The following VOPP1 variants were observed in gnomAD, a reference collection of about 807,000 sequenced individuals.
The protein encoded by VOPP1 is VOPP1 WW domain binding protein, also known as WW domain binding protein VOPP1.
Under a neutral mutation model 23.5 loss-of-function variants are expected in VOPP1, and 8 were observed. The observed-to-expected ratio is 0.34, with a 90% confidence interval of 0.20 to 0.61. The LOEUF is 0.61. VOPP1 is among the 20% of genes least tolerant of loss of function. VOPP1 has a pLI of 0.78. For missense variants in VOPP1, 174 were observed against 238.1 expected (o/e 0.73, Z 1.77); for synonymous variants, 83 against 97.3 (o/e 0.85, Z 0.86).
chr7:55,436,667 C>CGTGCGTGTGCGTGTGTGCAT (rs1562875159), intron 4 of VOPP1, among the ~76,000 whole-genome samples: 1 of 148,912 alleles, frequency 6.7e-6, no homozygotes, highest in African/African-American at 2.5e-5. Flanking sequence ...TGCGTGTGTG[C>CGTGCGTGTGCGTGTGTGCAT]GTGCGTGTGC....
Position 55,568,204 on chromosome 7 carries a change from C to T in VOPP1, c.54+4067G>A, listed in dbSNP as rs952959291. On this transcript the variant is annotated intron_variant, in intron 1 of 4. Coordinates refer to ENST00000285279, the MANE Select transcript of VOPP1 (RefSeq NM_030796.5). Reference sequence around the variant, plus strand: ...ACGCCATTCTCCAGGCTCAGCCTCCCGAGTAGCTGGGACTACAGGCGCCCG... The same window carrying T: ...ACGCCATTCTCCAGGCTCAGCCTCCTGAGTAGCTGGGACTACAGGCGCCCG... Among the ~76,000 whole-genome samples the T allele has an allele frequency of 5.3e-5, 8 of 151,902 alleles. No homozygotes were observed. The South Asian group carries it at 8.3e-4, about 16-fold the overall frequency.
intron 1 of VOPP1, among the ~76,000 whole-genome samples, chr7:55,527,474 G>C (rs1163785315): frequency 4.6e-5 from 7 of 152,196 alleles, no homozygotes; most frequent in Non-Finnish European, 7.3e-5. Context: ...CGGGGATGCA[G>C]GCTGTAAACC....
At chr7:55,474,918 A>G (rs1271580282) in intron 4 of VOPP1, among the ~76,000 whole-genome samples, 1 of 152,144 alleles carries the variant, frequency 6.6e-6, no homozygotes, top group African/African-American at 2.4e-5. Flanking sequence ...GGGTGGGAGA[A>G]TTTTCAGGAA....
At chr7:55,478,760 A>G (rs912557575) in intron 4 of VOPP1, among the ~76,000 whole-genome samples, 1 of 152,272 alleles carries the variant, frequency 6.6e-6, no homozygotes, top group Non-Finnish European at 1.5e-5. Flanking sequence ...TGTATCTCAC[A>G]TACAGCCTGT....
At chr7:55,502,516 G>A (rs971078637) in intron 2 of VOPP1, among the ~76,000 whole-genome samples, 1 of 152,220 alleles carries the variant, frequency 6.6e-6, no homozygotes, top group African/African-American at 2.4e-5. Flanking sequence ...GCAGGCCCCA[G>A]CTACTCGAAG....
chr7:55,470,147 T>C (rs1027354266), downstream of VOPP1, among the ~76,000 whole-genome samples: 6 of 152,194 alleles, frequency 3.9e-5, no homozygotes, highest in South Asian at 2.1e-4. Context: ...GGTAGGAGAA[T>C]TGCTTGAGGC....
chr7:55,561,728 C>G, intron 1 of VOPP1: 1 of 422,096 alleles, frequency 2.4e-6, no homozygotes. Context: ...AAGAAGAATT[C>G]ACAGACTGCT....
chr7:55,503,603 A>C (rs948814881), intron 2 of VOPP1, among the ~76,000 whole-genome samples: 2 of 152,340 alleles, frequency 1.3e-5, no homozygotes, highest in Non-Finnish European at 1.5e-5. Flanking sequence ...GTGTGTTGAA[A>C]GGCTACCCCG....
intron 2 of VOPP1, among the ~76,000 whole-genome samples, chr7:55,502,146 T>C (rs1228285988): frequency 6.6e-6 from 1 of 152,250 alleles, no homozygotes; most frequent in Non-Finnish European, 1.5e-5. Context: ...CCCTATGGCA[T>C]TCTATTTCCC....
At chr7:55,504,724 A>G (rs576619623) in intron 2 of VOPP1, among the ~76,000 whole-genome samples, 2 of 152,360 alleles carry the variant, frequency 1.3e-5, no homozygotes, top group East Asian at 1.9e-4. Context: ...TTTCTTTCCA[A>G]TGTCCAAAAG....
intron 2 of VOPP1, among the ~76,000 whole-genome samples, chr7:55,519,097 G>T (rs1795669218): frequency 6.6e-6 from 1 of 152,330 alleles, no homozygotes; most frequent in Middle Eastern, 3.4e-3. Flanking sequence ...GGGGCCTGGA[G>T]TAAGTACTCA....
intron 1 of VOPP1, among the ~76,000 whole-genome samples, chr7:55,559,872 G>A (rs1287535078): frequency 6.6e-6 from 1 of 152,194 alleles, no homozygotes; most frequent in African/African-American, 2.4e-5. Flanking sequence ...AACCTTTACT[G>A]GCCAGGCGCA....
chr7:55,535,342 G>A (rs921072360), intron 1 of VOPP1, among the ~76,000 whole-genome samples: 2 of 152,206 alleles, frequency 1.3e-5, no homozygotes, highest in East Asian at 1.9e-4. Flanking sequence ...CAAGCAAAAA[G>A]AGTGGGGCTG....
At position 55,560,726 on chromosome 7, in the gene VOPP1, C is replaced by T. The variant is rs62455000; in HGVS notation, c.54+11545G>A. On this transcript the variant is annotated intron_variant, in intron 1 of 4. Coordinates refer to ENST00000285279, the MANE Select transcript of VOPP1 (RefSeq NM_030796.5). The stretch of plus-strand genomic sequence containing the variant: ...CAACAGGTAATGAACACAGAGGTCA[C>T]AGCAAGTTCTTCTCTAGTAGGCCAG... Among the ~76,000 whole-genome samples the T allele has an allele frequency of 7.7e-3, 1,166 of 152,300 alleles. 8 individuals are homozygous for T. The highest frequency in any genetic ancestry group is 0.015 in the Admixed American group (228 of 15,298).
chr7:55,460,146 G>A (rs1159422294), intron 4 of VOPP1, among the ~76,000 whole-genome samples: 11 of 152,068 alleles, frequency 7.2e-5, no homozygotes, highest in South Asian at 2.1e-4. Flanking sequence ...TCATTCAGGA[G>A]CATATTGTTT....
chr7:55,440,737 A>C (rs1241745899), intron 4 of VOPP1, among the ~76,000 whole-genome samples: 4 of 152,214 alleles, frequency 2.6e-5, no homozygotes, highest in African/African-American at 9.6e-5. Flanking sequence ...CTGCACACAG[A>C]CCTGCTGCCC....
intron 2 of VOPP1, among the ~76,000 whole-genome samples, chr7:55,516,667 C>T (rs1382943615): frequency 6.6e-6 from 1 of 152,070 alleles, no homozygotes; most frequent in Non-Finnish European, 1.5e-5. Flanking sequence ...AAGTTTGCAA[C>T]CTAGATGTTC....
chr7:55,550,045 C>T (rs937903020), intron 1 of VOPP1, among the ~76,000 whole-genome samples: 4 of 152,256 alleles, frequency 2.6e-5, no homozygotes, highest in African/African-American at 9.6e-5. Context: ...ACAGGCCGGG[C>T]CAAGGGGACT....
At chr7:55,538,284 A>C (rs1486926883) in intron 1 of VOPP1, among the ~76,000 whole-genome samples, 1 of 152,196 alleles carries the variant, frequency 6.6e-6, no homozygotes, top group East Asian at 1.9e-4. Flanking sequence ...CTCTTCTCCA[A>C]CTGAGCTACA....
Sources: allele counts gnomAD v4.1 joint callset (sites outside exome capture counted in the v4.1 genomes callset), GRCh38; gene constraint gnomAD v4.1.1; transcripts MANE v1.5; gene names NCBI Gene and HGNC (gene_info 2026-07-23, HGNC 2026-07-21).